Variants in TEK observed in about 807,000 individuals in gnomAD.
TEK encodes the protein TEK receptor tyrosine kinase.
A neutral mutation model predicts 131.8 loss-of-function variants in TEK; 43 were observed. That is an observed-to-expected ratio of 0.33 (90% CI 0.26 to 0.42). The LOEUF is 0.42. Among genes scored for constraint, TEK ranks in the 10% least tolerant of loss-of-function variants. The pLI is 1.00. For synonymous variants in TEK, 580 were observed against 491.6 expected (o/e 1.18, Z -2.38); for missense variants, 1,162 against 1,384.4 (o/e 0.84, Z 2.55).
chr9:27,173,737 GTTTT>G (rs35971876), intron 6 of TEK, among the ~76,000 whole-genome samples: 4 of 93,972 alleles, frequency 4.3e-5, no homozygotes, highest in African/African-American at 1.6e-4. Flanking sequence ...TTTTTTTTTG[GTTTT>G]TTTTTTTTTT....
intron 1 of TEK, among the ~76,000 whole-genome samples, chr9:27,130,893 A>C (rs562085853): frequency 6.6e-6 from 1 of 152,146 alleles, no homozygotes; most frequent in Non-Finnish European, 1.5e-5. Flanking sequence ...AAAACAAAAC[A>C]AAACCTCATT....
chr9:27,230,120 A>C lies in TEK; in HGVS notation c.*888A>C, dbSNP rs150338418. On this transcript the variant is annotated 3_prime_UTR_variant, in exon 23 of 23. Coordinates refer to ENST00000380036, the MANE Select transcript of TEK (RefSeq NM_000459.5). ...TGAGTTTACCTTGTATACTGTAGGC[A>C]CACTTTGCACTGATATATCATGAGT... 2 of 152,190 alleles carry C rather than the reference A, an allele frequency of 1.3e-5. No homozygotes were observed. The highest frequency in any genetic ancestry group is 1.3e-4 in the Admixed American group (2 of 15,272). The allele number at this position is 152,190 out of a possible 1,614,324, so 9.4% of individuals were successfully genotyped here.
At chr9:27,176,691 G>C (rs1824184290) in intron 6 of TEK, among the ~76,000 whole-genome samples, 1 of 152,156 alleles carries the variant, frequency 6.6e-6, no homozygotes. Context: ...TGTGTGTGTG[G>C]GTGTGGTGAG....
At chr9:27,115,201 C>T (rs978637937) in intron 1 of TEK, among the ~76,000 whole-genome samples, 34 of 152,058 alleles carry the variant, frequency 2.2e-4, no homozygotes, top group African/African-American at 7.0e-4. Flanking sequence ...ATAGCAATAT[C>T]TGAATTGAGC....
intron 13 of TEK, among the ~76,000 whole-genome samples, chr9:27,204,343 C>T (rs1411967193): frequency 6.6e-6 from 1 of 152,076 alleles, no homozygotes; most frequent in Non-Finnish European, 1.5e-5. Context: ...TTTATTTTGA[C>T]CTGAGCCCTA....
At position 27,217,685 on chromosome 9, in the gene TEK, CA is replaced by C; in HGVS notation, c.2992-2del. 6.2e-7 allele frequency: 1 copy of C among 1,613,574 alleles called. No homozygotes were observed. Among genetic ancestry groups the C allele is most frequent in the Non-Finnish European group, 8.5e-7 (1 of 1,179,610 alleles). On this transcript the variant is annotated splice_acceptor_variant, in intron 18 of 22. Coordinates refer to ENST00000380036, the MANE Select transcript of TEK (RefSeq NM_000459.5). LOFTEE classifies it high-confidence loss of function. Reference sequence around the variant, plus strand: ...AAGTGAAATCTCACTTTGTTCTCTCCAGGGAAGGCTCCCAGTGCGCTGGATG... The same window carrying C: ...AAGTGAAATCTCACTTTGTTCTCTCCGGGAAGGCTCCCAGTGCGCTGGATG...
At chr9:27,183,417 C>A (rs758685343) in intron 7 of TEK, 42 bp from the exon 8 acceptor site, 1 of 1,605,186 alleles carries the variant, frequency 6.2e-7, no homozygotes, top group South Asian at 1.1e-5. Flanking sequence ...GCTGCTGGCT[C>A]TGTTAAATAT....
chr9:27,218,130 T>TTTGGGGGGG (rs9298888), intron 19 of TEK, among the ~76,000 whole-genome samples: 1 of 139,514 alleles, frequency 7.2e-6, no homozygotes, highest in African/African-American at 2.6e-5. Flanking sequence ...GGCCAGACAG[T>TTTGGGGGGG]GGCGGGGGTC....
At position 27,229,562 on chromosome 9, in the gene TEK, A is replaced by G. The variant is rs748110091; in HGVS notation, c.*330A>G. On this transcript the variant is annotated 3_prime_UTR_variant, in exon 23 of 23. Coordinates refer to ENST00000380036, the MANE Select transcript of TEK (RefSeq NM_000459.5). ...AATGCATAACTCATTGTTGTCCTAG[A>G]TATTTTGATATTTACCTTTATGTTG... 260 of 327,614 alleles carry G rather than the reference A, an allele frequency of 7.9e-4. 5 individuals are homozygous for G. The highest frequency in any genetic ancestry group is 9.4e-4 in the Middle Eastern group (1 of 1,062). The allele number at this position is 327,614 out of a possible 1,614,324, so 20.3% of individuals were successfully genotyped here. A position where few individuals can be genotyped will look rare whatever the true frequency, so the allele number is the denominator to read the frequency against.
chr9:27,170,313 G>A (rs1393023857), intron 4 of TEK, among the ~76,000 whole-genome samples: 2 of 152,028 alleles, frequency 1.3e-5, no homozygotes, highest in Admixed American at 1.3e-4. Context: ...TACCAGACGG[G>A]GACACTAAGG....
intron 18 of TEK, among the ~76,000 whole-genome samples, chr9:27,214,786 G>C (rs1050968235): frequency 4.6e-5 from 7 of 151,970 alleles, no homozygotes; most frequent in Admixed American, 2.0e-4. Context: ...TTGGCTCTTC[G>C]AGGGCCCTGC....
chr9:27,174,650 G>GGA (rs1008866653), intron 6 of TEK, among the ~76,000 whole-genome samples: 8 of 152,108 alleles, frequency 5.3e-5, no homozygotes, highest in African/African-American at 1.9e-4. Flanking sequence ...AGGACAAAGA[G>GGA]GAGAGTTACA....
intron 1 of TEK, among the ~76,000 whole-genome samples, chr9:27,115,111 C>G (rs544848950): frequency 6.6e-6 from 1 of 152,130 alleles, no homozygotes; most frequent in Admixed American, 6.6e-5. Context: ...AGAGATATTA[C>G]AGCAAATAAA....
chr9:27,148,608 G>T (rs140123671), intron 1 of TEK, among the ~76,000 whole-genome samples: 1 of 152,132 alleles, frequency 6.6e-6, no homozygotes, highest in South Asian at 2.1e-4. Flanking sequence ...ATGCCACATT[G>T]GCTAATCCTC....
At chr9:27,164,398 C>G (rs1035548858) in intron 2 of TEK, among the ~76,000 whole-genome samples, 1 of 150,962 alleles carries the variant, frequency 6.6e-6, no homozygotes, top group Non-Finnish European at 1.5e-5. Context: ...CAGCTCACTG[C>G]AAGCTCCGCC....
At chr9:27,121,159 T>G (rs1481930833) in intron 1 of TEK, among the ~76,000 whole-genome samples, 1 of 151,722 alleles carries the variant, frequency 6.6e-6, no homozygotes, top group East Asian at 1.9e-4. Context: ...CCGCCTCTAC[T>G]AAAAATACAA....
intron 9 of TEK, among the ~76,000 whole-genome samples, chr9:27,188,919 G>A (rs1183754526): frequency 6.6e-6 from 1 of 152,156 alleles, no homozygotes; most frequent in Non-Finnish European, 1.5e-5. Flanking sequence ...AGAGAATGCT[G>A]GGGCAGGGCT....
intron 1 of TEK, among the ~76,000 whole-genome samples, chr9:27,135,019 G>A (rs1393439808): frequency 7.2e-5 from 11 of 152,144 alleles, no homozygotes; most frequent in African/African-American, 2.4e-4. Context: ...GACGTCAAGC[G>A]TTGAAGACCA....
chr9:27,138,129 AGT>A (rs1822565549), intron 1 of TEK, among the ~76,000 whole-genome samples: 1 of 152,188 alleles, frequency 6.6e-6, no homozygotes, highest in South Asian at 2.1e-4. Flanking sequence ...CCTCTCAGTG[AGT>A]GTTTCAGCTC....
Sources: allele counts gnomAD v4.1 joint callset (sites outside exome capture counted in the v4.1 genomes callset), GRCh38; gene constraint gnomAD v4.1.1; transcripts MANE v1.5; gene names NCBI Gene and HGNC (gene_info 2026-07-23, HGNC 2026-07-21).